Variants in XKR4 observed in about 807,000 individuals in gnomAD.
The protein encoded by XKR4 is XK related 4, also known as XK-related protein 4.
A neutral mutation model predicts 53.9 loss-of-function variants in XKR4; 12 were observed. That is an observed-to-expected ratio of 0.22 (90% confidence interval 0.14 to 0.36). The LOEUF is 0.36. XKR4 is among the 10% of genes least tolerant of loss of function. The pLI, the probability that XKR4 is intolerant of heterozygous loss-of-function variation, is 1.00. For missense variants in XKR4, 799 were observed against 859.5 expected (o/e 0.93, Z 0.88); for synonymous variants, 354 against 362.4 (o/e 0.98, Z 0.26).
intron 1 of XKR4, among the ~76,000 whole-genome samples, chr8:55,332,326 T>C (rs369339231): frequency 2.6e-5 from 4 of 152,234 alleles, no homozygotes; most frequent in African/African-American, 9.6e-5. Flanking sequence ...TGCAGAAAAA[T>C]AAAAGCTGGA....
chr8:55,501,944 A>G (rs1806445286), intron 2 of XKR4, among the ~76,000 whole-genome samples: 2 of 152,190 alleles, frequency 1.3e-5, no homozygotes, highest in African/African-American at 2.4e-5. Flanking sequence ...GTATTTGCAT[A>G]TAACCTATAG....
intron 1 of XKR4, among the ~76,000 whole-genome samples, chr8:55,308,977 G>C (rs1389491227): frequency 6.6e-6 from 1 of 152,202 alleles, no homozygotes; most frequent in African/African-American, 2.4e-5. Context: ...GTTCAGAAAA[G>C]GCCTACCCTG....
chr8:55,445,103 G>A (rs1347962645), intron 2 of XKR4, among the ~76,000 whole-genome samples: 1 of 152,164 alleles, frequency 6.6e-6, no homozygotes, highest in Non-Finnish European at 1.5e-5. Flanking sequence ...TGTCGCCCAG[G>A]CTGGAGTGCA....
intron 2 of XKR4, among the ~76,000 whole-genome samples, chr8:55,362,991 A>G (rs1392586612): frequency 6.6e-6 from 1 of 152,252 alleles, no homozygotes; most frequent in South Asian, 2.1e-4. Flanking sequence ...CAGGGGAAAC[A>G]TTGTGCGGAA....
chr8:55,382,796 G>T (rs979631317), intron 2 of XKR4, among the ~76,000 whole-genome samples: 1 of 151,974 alleles, frequency 6.6e-6, no homozygotes, highest in African/African-American at 2.4e-5. Flanking sequence ...AGGATTTTAG[G>T]TATACGGTCT....
intron 2 of XKR4, among the ~76,000 whole-genome samples, chr8:55,368,204 A>G (rs1006466573): frequency 6.6e-6 from 1 of 151,876 alleles, no homozygotes; most frequent in Non-Finnish European, 1.5e-5. Context: ...CAGGTGATCC[A>G]CCCGCCTCCC....
At chr8:55,229,065 G>A (rs1817994745) in intron 1 of XKR4, among the ~76,000 whole-genome samples, 1 of 152,230 alleles carries the variant, frequency 6.6e-6, no homozygotes, top group Admixed American at 6.5e-5. Flanking sequence ...GGGAGCTGCT[G>A]TCCCTGACTG....
chr8:55,462,809 G>C (rs1476195456), intron 2 of XKR4, among the ~76,000 whole-genome samples: 4 of 152,048 alleles, frequency 2.6e-5, no homozygotes, highest in African/African-American at 9.7e-5. Context: ...AACAAAAAAA[G>C]GCAGGGGTTG....
intron 1 of XKR4, among the ~76,000 whole-genome samples, chr8:55,172,302 C>T (rs1018973315): frequency 2.0e-5 from 3 of 151,866 alleles, no homozygotes; most frequent in African/African-American, 7.3e-5. Flanking sequence ...TTCCTCATCT[C>T]TGAAATGGAG....
rs544894972 is a variant in XKR4 at position 55,280,026 on chromosome 8, A to C, written c.807-77652A>C. On this transcript the variant is annotated intron_variant, in intron 1 of 2. Transcript: ENST00000327381. ...GTAACAACATCATTAATGATGACCAAATAATCTCCCTTTGGCCTTGTAATG... is the reference window on the plus strand; with the variant it reads ...GTAACAACATCATTAATGATGACCACATAATCTCCCTTTGGCCTTGTAATG... Among the ~76,000 whole-genome samples, 4 of 152,326 alleles carry C rather than the reference A, an allele frequency of 2.6e-5. No individual in the cohort carries two copies. In the East Asian group the frequency reaches 7.7e-4, roughly 29 times the overall value.
chr8:55,384,716 G>C (rs1302724822), intron 2 of XKR4, among the ~76,000 whole-genome samples: 1 of 152,210 alleles, frequency 6.6e-6, no homozygotes, highest in South Asian at 2.1e-4. Context: ...AATAATGATA[G>C]TAAATGTAAG....
chr8:55,383,170 G>A (rs945764259), intron 2 of XKR4, among the ~76,000 whole-genome samples: 6 of 152,128 alleles, frequency 3.9e-5, no homozygotes, highest in African/African-American at 1.2e-4. Flanking sequence ...CTGAGATCTC[G>A]CCACTGCACT....
chr8:55,138,076 C>T (rs1046690822), intron 1 of XKR4, among the ~76,000 whole-genome samples: 1 of 152,084 alleles, frequency 6.6e-6, no homozygotes. Context: ...TCTTGAAGCC[C>T]GCCATGACTT....
rs1806922570 is a variant in XKR4, at chr8:55,529,673, A to C, written c.*5446A>C. On this transcript the variant is annotated 3_prime_UTR_variant, in exon 3 of 3. Coordinates refer to ENST00000327381, the MANE Select transcript of XKR4 (RefSeq NM_052898.2). ...CTGAGGGTTGAGCACAGCTTTCAAC[A>C]ACTGCGACTTCTGGGAGCCCAGTGA... The C allele has an allele frequency of 6.6e-6, 1 of 152,210 alleles. No individual in the cohort carries two copies. The highest frequency in any genetic ancestry group is 2.1e-4 in the South Asian group (1 of 4,830). 9.4% of individuals were successfully genotyped at this position (152,210 alleles called of 1,614,324 possible). A position where few individuals can be genotyped will look rare whatever the true frequency, so the allele number is the denominator to read the frequency against.
chr8:55,396,957 C>T (rs1478985010), intron 2 of XKR4, among the ~76,000 whole-genome samples: 1 of 152,222 alleles, frequency 6.6e-6, no homozygotes, highest in African/African-American at 2.4e-5. Context: ...ACCACTGTCA[C>T]ACTTTCATTT....
intron 2 of XKR4, among the ~76,000 whole-genome samples, chr8:55,385,071 C>T (rs1804289476): frequency 6.6e-6 from 1 of 152,020 alleles, no homozygotes; most frequent in Non-Finnish European, 1.5e-5. Flanking sequence ...AGATTTAAGT[C>T]AGGTAAAGAA....
At chr8:55,119,469 G>A (rs919932676) in intron 1 of XKR4, among the ~76,000 whole-genome samples, 1 of 152,102 alleles carries the variant, frequency 6.6e-6, no homozygotes, top group Non-Finnish European at 1.5e-5. Context: ...GTTGTGTAGA[G>A]GGCTGAAATG....
At chr8:55,338,274 TAA>T (rs1172644294) in intron 1 of XKR4, among the ~76,000 whole-genome samples, 1 of 152,176 alleles carries the variant, frequency 6.6e-6, no homozygotes, top group East Asian at 1.9e-4. Context: ...GTGAGAAAAA[TAA>T]AGTTATTGAT....
intron 1 of XKR4, among the ~76,000 whole-genome samples, chr8:55,177,402 C>T (rs1817250438): frequency 6.6e-6 from 1 of 152,178 alleles, no homozygotes; most frequent in Non-Finnish European, 1.5e-5. Flanking sequence ...ACTGGGCTCC[C>T]ACCCAGGGGA....
Sources: allele counts gnomAD v4.1 joint callset (sites outside exome capture counted in the v4.1 genomes callset), GRCh38; gene constraint gnomAD v4.1.1; transcripts MANE v1.5; gene names NCBI Gene and HGNC (gene_info 2026-07-23, HGNC 2026-07-21).